TBXAS1: variants seen among roughly 807,000 people sequenced by gnomAD.
TBXAS1 encodes the protein thromboxane A synthase 1.
In TBXAS1, 48 loss-of-function variants were observed where a neutral mutation model predicts 60.7. That is an observed-to-expected ratio of 0.79 (90% CI 0.63 to 1.01). The LOEUF is 1.01. Among genes scored for constraint, TBXAS1 ranks in the 50% least tolerant of loss-of-function variants. The probability of loss-of-function intolerance (pLI) is 0.00; values close to 1 mark genes in which losing one functional copy is unlikely to be tolerated. For missense variants in TBXAS1, 685 were observed against 686.3 expected, an observed-to-expected ratio of 1.00 and a Z score of 0.02; for synonymous variants, 287 against 269.7, an observed-to-expected ratio of 1.06 and a Z score of -0.63.
chr7:139,828,426 C>A (rs1300488531), upstream of TBXAS1, among the ~76,000 whole-genome samples: 1 of 152,186 alleles, frequency 6.6e-6, no homozygotes, highest in Non-Finnish European at 1.5e-5. Flanking sequence ...TTTCCCACTT[C>A]CGCAAATGGG....
rs996362367 is a variant in TBXAS1 at position 139,852,843 on chromosome 7, C to T, written c.90-19392C>T. On this transcript the variant is annotated intron_variant, in intron 1 of 12. Coordinates refer to ENST00000448866, the MANE Select transcript of TBXAS1 (RefSeq NM_001061.7). This position sits in a 1 kb window ranked among gnomAD's most constrained non-coding sequence, Gnocchi z 4.4. ...CCAATTGGCAAACATTTTTTAAATG[C>T]CTACTCGGCTGGGTACAAAAGAACC... is the stretch of plus-strand genomic sequence containing the variant. 1.3e-5 allele frequency among the ~76,000 whole-genome samples: 2 copies of T among 151,698 alleles called. No individual in the cohort carries two copies. The highest frequency in any genetic ancestry group is 2.9e-5 in the Non-Finnish European group (2 of 67,972).
intron 4 of TBXAS1, among the ~76,000 whole-genome samples, chr7:139,796,896 A>G (rs766988703): frequency 1.3e-5 from 2 of 152,238 alleles, no homozygotes; most frequent in East Asian, 1.9e-4. Context: ...CCTTAATACA[A>G]TGCATGTATT....
intron 1 of TBXAS1, among the ~76,000 whole-genome samples, chr7:139,830,154 A>T (rs1798609079): frequency 6.6e-6 from 1 of 152,188 alleles, no homozygotes; most frequent in Non-Finnish European, 1.5e-5. Flanking sequence ...TGTAGGTCGA[A>T]GGCCTCATAA....
At chr7:139,938,890 A>G (rs1808033355) in intron 5 of TBXAS1, among the ~76,000 whole-genome samples, 1 of 152,230 alleles carries the variant, frequency 6.6e-6, no homozygotes, top group Non-Finnish European at 1.5e-5. Context: ...AAGGAATTTT[A>G]TCATGGTCTA....
At chr7:139,888,362 A>G (rs1803279616) in intron 3 of TBXAS1, among the ~76,000 whole-genome samples, 2 of 151,624 alleles carry the variant, frequency 1.3e-5, no homozygotes, top group African/African-American at 2.4e-5. Flanking sequence ...ACTCTTACTG[A>G]CTTCTGCTTC....
At chr7:139,981,701 A>T (rs1811991538) in intron 9 of TBXAS1, among the ~76,000 whole-genome samples, 1 of 152,178 alleles carries the variant, frequency 6.6e-6, no homozygotes, top group Admixed American at 6.5e-5. Context: ...GAGGGAAAGC[A>T]ACCACTGGCC....
rs74336483 is a variant in TBXAS1, at chr7:139,817,196, T to C, written c.-79-12116T>C. Reference sequence around the variant, plus strand: ...GGATCTCCCAGTGGGTCTCCCTTGCTGCTGTCTCCCCCCGTCCCAGCCCCC... The same window carrying C: ...GGATCTCCCAGTGGGTCTCCCTTGCCGCTGTCTCCCCCCGTCCCAGCCCCC... On this transcript the variant is annotated intron_variant, in intron 4 of 16. Coordinates refer to the TBXAS1 transcript ENST00000336425. Among the ~76,000 whole-genome samples, 483 of 152,252 alleles carry C rather than the reference T, an allele frequency of 3.2e-3. 1 individual carries two copies. Among genetic ancestry groups the C allele is most frequent in the Non-Finnish European group, 3.6e-3 (245 of 68,018 alleles).
intron 3 of TBXAS1, among the ~76,000 whole-genome samples, chr7:139,888,149 G>A (rs149078876): frequency 7.5e-4 from 114 of 152,282 alleles, no homozygotes; most frequent in African/African-American, 2.5e-3. Flanking sequence ...TGCACTGCAC[G>A]ATAAATTCAG....
chr7:139,961,518 T>C (rs888851250), intron 8 of TBXAS1, among the ~76,000 whole-genome samples: 3 of 152,260 alleles, frequency 2.0e-5, no homozygotes, highest in Admixed American at 1.3e-4. Flanking sequence ...AAATCGTCTA[T>C]GTGTAGACAG....
intron 5 of TBXAS1, among the ~76,000 whole-genome samples, chr7:139,950,928 G>A (rs1005500636): frequency 6.6e-6 from 1 of 151,836 alleles, no homozygotes; most frequent in African/African-American, 2.4e-5. Flanking sequence ...TTGGGCCCCT[G>A]GTAACACAAT....
chr7:139,936,240 G>A lies in TBXAS1; in HGVS notation c.383G>A (p.Arg128His), dbSNP rs374952408. ...GTAGCCGACAGCGTTCTGTTTTTAC[G>A]TGACAAAAGATGGGAAGAGGTCAGA... is the stretch of plus-strand genomic sequence containing the variant. ...KSVADSVLFL[R>H]DKRWEEVRGA... is the part of the protein sequence containing the mutation. Residue 128 changes from arginine to histidine, a missense_variant, in exon 5 of 13, where the codon CGT becomes CAT. Coordinates refer to ENST00000448866, the MANE Select transcript of TBXAS1 (RefSeq NM_001061.7). 111 of 1,614,124 alleles carry A rather than the reference G, an allele frequency of 6.9e-5. No individual in the cohort carries two copies. In the South Asian group the frequency reaches 7.2e-4, roughly 11 times the overall value.
At chr7:139,862,037 G>A (rs771684549) in intron 1 of TBXAS1, among the ~76,000 whole-genome samples, 3 of 152,192 alleles carry the variant, frequency 2.0e-5, no homozygotes, top group Non-Finnish European at 4.4e-5. Flanking sequence ...AGAAGTTGGT[G>A]GATTGTGGTT....
intron 3 of TBXAS1, chr7:139,875,885 C>G (rs763742364): frequency 1.7e-4 from 94 of 548,342 alleles, no homozygotes; most frequent in Non-Finnish European, 2.9e-5. Flanking sequence ...GCCTTTGCAG[C>G]CTTGCTGGGC....
chr7:139,871,122 CTG>C (rs148530675), intron 1 of TBXAS1, among the ~76,000 whole-genome samples: 7,068 of 152,200 alleles, frequency 0.046, 521 homozygotes, highest in African/African-American at 0.16. Context: ...AGCACTTAAG[CTG>C]TGTTTCCTTT....
chr7:139,930,440 C>A (rs1807227107), intron 4 of TBXAS1, among the ~76,000 whole-genome samples: 1 of 151,968 alleles, frequency 6.6e-6, no homozygotes, highest in African/African-American at 2.4e-5. Flanking sequence ...GTTATTATCC[C>A]CATTTTACAG....
At chr7:139,919,175 G>A (rs1157591591) in intron 4 of TBXAS1, among the ~76,000 whole-genome samples, 1 of 152,164 alleles carries the variant, frequency 6.6e-6, no homozygotes, top group African/African-American at 2.4e-5. Flanking sequence ...ATAATATAAT[G>A]AGGGGACAGT....
In TBXAS1 at chr7:139,791,411, C is replaced by T. The variant is rs150859645; in HGVS notation, c.-80+3985C>T. Reference sequence around the variant, plus strand: ...AGGATACCCCCACGGGAGATTTTTACGGGCCAGGCCTAGGTGTGGAGTGCT... The same window carrying T: ...AGGATACCCCCACGGGAGATTTTTATGGGCCAGGCCTAGGTGTGGAGTGCT... On this transcript the variant is annotated intron_variant, in intron 4 of 16. Transcript: ENST00000336425. 1.9e-3 allele frequency among the ~76,000 whole-genome samples: 294 copies of T among 152,222 alleles called. 1 individual carries two copies. The highest frequency in any genetic ancestry group is 4.3e-3 in the African/African-American group (180 of 41,536).
chr7:139,992,254 A>G (rs769944108), intron 9 of TBXAS1, among the ~76,000 whole-genome samples: 1 of 152,228 alleles, frequency 6.6e-6, no homozygotes, highest in South Asian at 2.1e-4. Flanking sequence ...CTCCAGGTCC[A>G]TGGAAGATAA....
intron 3 of TBXAS1, among the ~76,000 whole-genome samples, chr7:139,890,018 C>T (rs1429685337): frequency 6.6e-6 from 1 of 152,098 alleles, no homozygotes; most frequent in African/African-American, 2.4e-5. Flanking sequence ...TCTCCACCTC[C>T]CACCCTCCAA....
Sources: allele counts gnomAD v4.1 joint callset (sites outside exome capture counted in the v4.1 genomes callset), GRCh38; gene constraint gnomAD v4.1.1; non-coding constraint Gnocchi (gnomAD v3.1); transcripts MANE v1.5; gene names NCBI Gene and HGNC (gene_info 2026-07-23, HGNC 2026-07-21).